The following RNF17 variants were observed in gnomAD, a reference collection of about 807,000 sequenced individuals.
The protein encoded by RNF17 is ring finger protein 17.
RNF17 carries 31 observed loss-of-function variants against 200.5 expected under a neutral mutation model. The observed-to-expected ratio is 0.15, with a 90% CI of 0.12 to 0.21. The LOEUF (loss-of-function observed/expected upper bound fraction) is 0.21, where lower values mean the gene tolerates loss of function less well. RNF17 is among the 10% of genes least tolerant of loss of function. RNF17 has a pLI of 1.00. For missense variants in RNF17, 1,628 were observed against 1,905.1 expected (o/e 0.85, Z 2.71); for synonymous variants, 606 against 637.8 (o/e 0.95, Z 0.75).
chr13:24,793,750 A>G (rs1040051010), intron 10 of RNF17, among the ~76,000 whole-genome samples: 2 of 152,170 alleles, frequency 1.3e-5, no homozygotes, highest in East Asian at 3.8e-4. Flanking sequence ...CATGATTACA[A>G]TGTTATCTAT....
chr13:24,862,826 A>G, intron 28 of RNF17, 33 bp downstream of exon 28: 1 of 1,209,228 alleles, frequency 8.3e-7, no homozygotes. Context: ...GTTATAAATT[A>G]CTTGCCATAA....
chr13:24,881,885 T>C (rs550571044), downstream of RNF17, among the ~76,000 whole-genome samples: 2,019 of 133,718 alleles, frequency 0.015, 374 homozygotes, highest in African/African-American at 0.053. Context: ...TATATAGATA[T>C]ATAGATACAT....
chr13:24,777,482 A>G (rs1881733051), intron 3 of RNF17, among the ~76,000 whole-genome samples: 1 of 152,036 alleles, frequency 6.6e-6, no homozygotes, highest in South Asian at 2.1e-4. Context: ...AGCCTGGGCA[A>G]CACAGTGAGA....
intron 24 of RNF17, among the ~76,000 whole-genome samples, chr13:24,852,118 A>G (rs1347972103): frequency 6.7e-6 from 1 of 149,770 alleles, no homozygotes; most frequent in Admixed American, 6.7e-5. Flanking sequence ...GCTCTAGCTT[A>G]ATCTTTTCTC....
At chr13:24,820,917 G>T (rs1450790694) in intron 15 of RNF17, among the ~76,000 whole-genome samples, 1 of 152,138 alleles carries the variant, frequency 6.6e-6, no homozygotes, top group Non-Finnish European at 1.5e-5. Context: ...GTCTAATAGT[G>T]TCTTAGTTCC....
intron 26 of RNF17, among the ~76,000 whole-genome samples, chr13:24,860,971 G>A (rs1893036089): frequency 1.3e-5 from 2 of 151,100 alleles, no homozygotes; most frequent in South Asian, 4.2e-4. Flanking sequence ...TTGACCTCCC[G>A]GGCTTAGGCA....
intron 15 of RNF17, among the ~76,000 whole-genome samples, chr13:24,812,291 G>A (rs151320261): frequency 0.025 from 3,762 of 151,872 alleles, 62 homozygotes; most frequent in Middle Eastern, 0.041. Flanking sequence ...AGCAGTCAGC[G>A]AGACTCCGTG....
the RNF17 span, among the ~76,000 whole-genome samples, chr13:24,888,094 A>C: frequency 6.6e-6 from 1 of 152,222 alleles, no homozygotes; most frequent in Non-Finnish European, 1.5e-5. Context: ...TTTCACAAAA[A>C]TAATTTTTTA....
At chr13:24,830,442 C>A in intron 16 of RNF17, 42 bp from the exon 17 acceptor site, 1 of 1,244,182 alleles carries the variant, frequency 8.0e-7, no homozygotes, top group Non-Finnish European at 1.2e-6. Flanking sequence ...CTAGATAATT[C>A]TGTTTCCAAG....
upstream of RNF17, among the ~76,000 whole-genome samples, chr13:24,759,511 T>C (rs1326839399): frequency 6.6e-6 from 1 of 152,074 alleles, no homozygotes; most frequent in Non-Finnish European, 1.5e-5. Flanking sequence ...AATCAAGAAA[T>C]GGTCAAAATA....
chr13:24,788,399 ATGG>A (rs1233119234), intron 7 of RNF17, among the ~76,000 whole-genome samples: 1 of 152,134 alleles, frequency 6.6e-6, no homozygotes, highest in African/African-American at 2.4e-5. Flanking sequence ...AGTTAGGGAA[ATGG>A]TGCAATTAAG....
At chr13:24,841,806 A>G (rs1890665368) in intron 18 of RNF17, among the ~76,000 whole-genome samples, 1 of 151,890 alleles carries the variant, frequency 6.6e-6, no homozygotes, top group South Asian at 2.1e-4. Context: ...TAAAAATACA[A>G]AAAAAATTAG....
intron 11 of RNF17, 85 bp from the exon 12 acceptor site, chr13:24,799,310 C>T (rs780112222): frequency 3.3e-5 from 33 of 1,000,680 alleles, no homozygotes; most frequent in Non-Finnish European, 4.6e-5. Context: ...AAGACTTTTT[C>T]GTGGTAGAAC....
At chr13:24,753,467 G>C in the RNF17 span, among the ~76,000 whole-genome samples, 1 of 152,206 alleles carries the variant, frequency 6.6e-6, no homozygotes. Flanking sequence ...GGGAGGCAGA[G>C]GGGGAACCTT....
At chr13:24,873,747 C>A (rs1894551521) in intron 32 of RNF17, among the ~76,000 whole-genome samples, 2 of 151,976 alleles carry the variant, frequency 1.3e-5, no homozygotes, top group South Asian at 4.1e-4. Flanking sequence ...GTAACTGAAC[C>A]ATTAATCTCC....
At chr13:24,887,077 T>C in the RNF17 span, among the ~76,000 whole-genome samples, 143 of 152,104 alleles carry the variant, frequency 9.4e-4, no homozygotes, top group Middle Eastern at 3.4e-3. Context: ...AGTGCTGGAA[T>C]AGCTGGGTAG....
chr13:24,782,431 C>T (rs565816335), intron 6 of RNF17, among the ~76,000 whole-genome samples: 1 of 152,134 alleles, frequency 6.6e-6, no homozygotes, highest in South Asian at 2.1e-4. Context: ...CTCCTGGCCT[C>T]AAGAAATCAT....
At chr13:24,880,086 T>C (rs563686011), downstream of RNF17, among the ~76,000 whole-genome samples, 12 of 152,330 alleles carry the variant, frequency 7.9e-5, no homozygotes, top group African/African-American at 2.9e-4. Flanking sequence ...ATTAGTCTCT[T>C]CTTATACTGC....
At chr13:24,828,257 TTA>T (rs1888971240) in intron 16 of RNF17, among the ~76,000 whole-genome samples, 1 of 151,736 alleles carries the variant, frequency 6.6e-6, no homozygotes. Flanking sequence ...TTCATTTCTA[TTA>T]GCACCACTTT....
Sources: allele counts gnomAD v4.1 joint callset (sites outside exome capture counted in the v4.1 genomes callset), GRCh38; gene constraint gnomAD v4.1.1; transcripts MANE v1.5; gene names NCBI Gene and HGNC (gene_info 2026-07-23, HGNC 2026-07-21).